Variants in UBQLN4 observed in about 807,000 individuals in gnomAD.
The protein encoded by UBQLN4 is ubiquilin-4.
Under a neutral mutation model 60.4 loss-of-function variants are expected in UBQLN4, and 11 were observed. The ratio of observed to expected loss-of-function variants is 0.18; its 90% CI spans 0.11 to 0.30. UBQLN4 has a LOEUF of 0.30. Among genes scored for constraint, UBQLN4 ranks in the 10% least tolerant of loss-of-function variants. UBQLN4 has a pLI of 1.00. For synonymous variants in UBQLN4, 258 were observed against 313.1 expected, an observed-to-expected ratio of 0.82 and a Z score of 1.86; for missense variants, 417 against 795.5, an observed-to-expected ratio of 0.52 and a Z score of 5.72.
chr1:156,039,392 A>G (rs1683488488), intron 10 of UBQLN4, among the ~76,000 whole-genome samples: 1 of 151,642 alleles, frequency 6.6e-6, no homozygotes, highest in African/African-American at 2.4e-5. Context: ...CTGGGATGAT[A>G]GGCATGCGCC....
At chr1:156,039,998 C>T (rs1683512556) in intron 10 of UBQLN4, among the ~76,000 whole-genome samples, 1 of 151,276 alleles carries the variant, frequency 6.6e-6, no homozygotes, top group African/African-American at 2.4e-5. Context: ...AAGCACCGTC[C>T]ACCTGGTGTT....
Position 156,048,478 on chromosome 1 carries a change from A to G in UBQLN4, c.900+23T>C. 1 of 1,596,110 alleles carries G rather than the reference A, an allele frequency of 6.3e-7. No individual in the cohort carries two copies. Among genetic ancestry groups the G allele is most frequent in the Non-Finnish European group, 8.6e-7 (1 of 1,166,154 alleles). On this transcript the variant is annotated intron_variant, in intron 5 of 10. Transcript: ENST00000368309. The surrounding 1 kb of genome is among the most constrained non-coding windows in gnomAD (Gnocchi z 4.9). ...ATCTCGAGCCCAGACAGCCCAACCC[A>G]CTACCCTGGCCCTTGATCCCACCTG...
chr1:156,038,812 C>CTTTT (rs536553162), intron 10 of UBQLN4, among the ~76,000 whole-genome samples: 7 of 133,142 alleles, frequency 5.3e-5, no homozygotes, highest in Non-Finnish European at 1.1e-4. Flanking sequence ...AGGTCTTCTT[C>CTTTT]TTTTTTTTTT....
chr1:156,043,740 A>T (rs1423861079), intron 6 of UBQLN4, among the ~76,000 whole-genome samples: 1 of 151,988 alleles, frequency 6.6e-6, no homozygotes, highest in Non-Finnish European at 1.5e-5. Flanking sequence ...ACTGGATAAT[A>T]CCAGAGGTGC....
At chr1:156,053,202 C>T (rs1443819965) in intron 1 of UBQLN4, among the ~76,000 whole-genome samples, 1 of 152,166 alleles carries the variant, frequency 6.6e-6, no homozygotes, top group Non-Finnish European at 1.5e-5. Flanking sequence ...GAACACTGGG[C>T]GTTCTCTGAG....
chr1:156,043,573 A>C (rs1351712672), intron 6 of UBQLN4, among the ~76,000 whole-genome samples: 2 of 152,148 alleles, frequency 1.3e-5, no homozygotes, highest in Non-Finnish European at 2.9e-5. Flanking sequence ...AGTCCAGATA[A>C]ATGGAGCATC....
Position 156,036,824 on chromosome 1 carries a change from G to C in UBQLN4, c.*154C>G. ...AACCATAATTCTCAGACAGAGCTAA[G>C]GGGTTGGAGCCCATGCCTCTAAAGT... On this transcript the variant is annotated 3_prime_UTR_variant, in exon 11 of 11. Coordinates refer to ENST00000368309, the MANE Select transcript of UBQLN4 (RefSeq NM_020131.5). 6.6e-7 allele frequency: 1 copy of C among 1,506,582 alleles called. No homozygotes were observed. The highest frequency in any genetic ancestry group is 2.3e-5 in the Admixed American group (1 of 43,568). The allele number at this position is 1,506,582 out of a possible 1,614,324, so 93.3% of individuals were successfully genotyped here.
downstream of UBQLN4, among the ~76,000 whole-genome samples, chr1:156,034,843 A>ATG (rs1332842744): frequency 7.9e-5 from 8 of 101,150 alleles, no homozygotes; most frequent in Non-Finnish European, 4.2e-5. Context: ...ATATATATAT[A>ATG]TATATATATA....
intron 10 of UBQLN4, among the ~76,000 whole-genome samples, chr1:156,039,022 C>T (rs1683477330): frequency 6.6e-6 from 1 of 151,602 alleles, no homozygotes; most frequent in Non-Finnish European, 1.5e-5. Context: ...GAACTCCTGG[C>T]CTCAAGTGAT....
Position 156,042,180 on chromosome 1 carries a change from G to C in UBQLN4, c.1323C>G (p.Arg441=). 2 of 1,608,032 alleles carry C rather than the reference G, an allele frequency of 1.2e-6. No homozygotes were observed. The highest frequency in any genetic ancestry group is 2.2e-5 in the South Asian group (2 of 90,322). ...AGNPQLQEQL[R]LQLPVFLQQM... The stretch of plus-strand genomic sequence containing the variant: ...GCTGCAGGAAGACTGGGAGCTGCAG[G>C]CGGAGCTGCTCCTGCAGTTGGGGGT... The change falls in exon 8 of 11, where the codon CGC becomes CGG. Residue 441 remains arginine, a synonymous_variant. Transcript: ENST00000368309.
intron 10 of UBQLN4, among the ~76,000 whole-genome samples, chr1:156,040,337 G>A (rs948212569): frequency 2.0e-5 from 3 of 149,912 alleles, no homozygotes; most frequent in African/African-American, 4.9e-5. Context: ...CAGAGGTTGC[G>A]CCATTGCACT....
chr1:156,044,212 A>T lies in UBQLN4; in HGVS notation c.912T>A (p.Asn304Lys). Residue 304 changes from asparagine to lysine, a missense_variant, in exon 6 of 11, where the codon AAT becomes AAA. By Grantham distance (94) the Asn-to-Lys change is moderately conservative (BLOSUM62 0). Coordinates refer to ENST00000368309, the MANE Select transcript of UBQLN4 (RefSeq NM_020131.5). Reference sequence around the variant, plus strand: ...AGTTCCCGGCCAGGGAAGAGAAGGGATTGTTGCCAAACTGGGAGGAGGGAA... The same window carrying T: ...AGTTCCCGGCCAGGGAAGAGAAGGGTTTGTTGCCAAACTGGGAGGAGGGAA... ...FSAAREQFGN[N>K]PFSSLAGNSD... 6.4e-7 allele frequency: 1 copy of T among 1,564,248 alleles called. No individual in the cohort carries two copies.
rs1335119845 is a variant in UBQLN4 at position 156,035,790 on chromosome 1, T to C, written c.*1188A>G. ...CCCCAAGGGACCTAGCTCTCCCGGA[T>C]ATATATTCCTGCAATGGACTGACCT... On this transcript the variant is annotated 3_prime_UTR_variant, in exon 11 of 11. Transcript: ENST00000368309. The C allele has an allele frequency of 1.0e-6, 1 of 985,402 alleles. No individual in the cohort carries two copies. Among genetic ancestry groups the C allele is most frequent in the Non-Finnish European group, 1.2e-6 (1 of 829,948 alleles). The allele number at this position is 985,402 out of a possible 1,614,324, so 61.0% of individuals were successfully genotyped here.
intron 10 of UBQLN4, among the ~76,000 whole-genome samples, chr1:156,037,662 T>C (rs1441004791): frequency 1.3e-5 from 2 of 152,194 alleles, no homozygotes; most frequent in African/African-American, 2.4e-5. Context: ...ATATCTTTTT[T>C]AGATTTTCAA....
chr1:156,041,414 CTA>C, intron 10 of UBQLN4, 69 bp downstream of exon 10: 2 of 1,464,472 alleles, frequency 1.4e-6, no homozygotes, highest in Non-Finnish European at 1.8e-6. Context: ...TGCCTCTATT[CTA>C]TTGCTTCCCT....
intron 6 of UBQLN4, 142 bp downstream of exon 6, chr1:156,043,856 C>T (rs941940657): frequency 1.1e-6 from 1 of 913,456 alleles, no homozygotes; most frequent in Non-Finnish European, 1.7e-6. Flanking sequence ...CGGCCACTAT[C>T]CCAGACGGCA....
downstream of UBQLN4, among the ~76,000 whole-genome samples, chr1:156,032,446 G>A (rs1387248122): frequency 1.3e-5 from 2 of 151,072 alleles, no homozygotes; most frequent in Non-Finnish European, 2.9e-5. Flanking sequence ...AGGAGGTGGA[G>A]GTTGCAGTAA....
rs1484362759 is a variant in UBQLN4 at position 156,048,146 on chromosome 1, G to A, written c.900+355C>T. 6.6e-6 allele frequency among the ~76,000 whole-genome samples: 1 copy of A among 152,126 alleles called. No individual in the cohort carries two copies. Among genetic ancestry groups the A allele is most frequent in the Non-Finnish European group, 1.5e-5 (1 of 68,024 alleles). On this transcript the variant is annotated intron_variant, in intron 5 of 10. Coordinates refer to ENST00000368309, the MANE Select transcript of UBQLN4 (RefSeq NM_020131.5). The surrounding 1 kb of genome is among the most constrained non-coding windows in gnomAD (Gnocchi z 4.9). ...ATTCTCATTATCAACAAGGTCCCCA[G>A]GTGATTCTGATGCAGGTGATCCATG...
intron 7 of UBQLN4, 176 bp downstream of exon 7, chr1:156,042,598 A>T: frequency 9.0e-7 from 1 of 1,116,306 alleles, no homozygotes; most frequent in Non-Finnish European, 1.2e-6. Context: ...TTATCATCTT[A>T]CAGATAAAGA....
Sources: allele counts gnomAD v4.1 joint callset (sites outside exome capture counted in the v4.1 genomes callset), GRCh38; gene constraint gnomAD v4.1.1; non-coding constraint Gnocchi (gnomAD v3.1); transcripts MANE v1.5; gene names NCBI Gene and HGNC (gene_info 2026-07-23, HGNC 2026-07-21).